The following EPHA5 variants were observed in gnomAD, a reference collection of about 807,000 sequenced individuals.
EPHA5 encodes the protein EPH receptor A5, also known as ephrin type-A receptor 5.
A neutral mutation model predicts 105.0 loss-of-function variants in EPHA5; 60 were observed. The ratio of observed to expected loss-of-function variants is 0.57; its 90% CI spans 0.46 to 0.71. EPHA5 has a LOEUF of 0.71. Ranked by LOEUF, EPHA5 falls within the 30% of genes least tolerant of loss-of-function variation. The probability of loss-of-function intolerance (pLI) is 0.00; values close to 1 mark genes in which losing one functional copy is unlikely to be tolerated. For missense variants in EPHA5, 1,218 were observed against 1,274.7 expected, an observed-to-expected ratio of 0.96 and a Z score of 0.68; for synonymous variants, 513 against 449.1, an observed-to-expected ratio of 1.14 and a Z score of -1.80.
chr4:65,575,485 T>A (rs1339811218), intron 3 of EPHA5, among the ~76,000 whole-genome samples: 1 of 152,214 alleles, frequency 6.6e-6, no homozygotes, highest in Admixed American at 6.5e-5. Context: ...CTGCTAACAC[T>A]CTGCAAAGAG....
At chr4:65,402,496 T>G (rs1303786850) in intron 8 of EPHA5, among the ~76,000 whole-genome samples, 1 of 152,166 alleles carries the variant, frequency 6.6e-6, no homozygotes, top group African/African-American at 2.4e-5. Flanking sequence ...CTGTGCTAAG[T>G]CTACACCAAC....
chr4:65,506,546 C>A (rs1244633458), intron 3 of EPHA5, among the ~76,000 whole-genome samples: 1 of 145,362 alleles, frequency 6.9e-6, no homozygotes, highest in East Asian at 2.1e-4. Context: ...GCCATTCTAA[C>A]TGATGTGAGA....
intron 3 of EPHA5, chr4:65,573,760 A>T: frequency 1.2e-6 from 2 of 1,611,560 alleles, no homozygotes; most frequent in Non-Finnish European, 1.7e-6. Flanking sequence ...GGTGACAAGA[A>T]CGGCGGTACC....
intron 11 of EPHA5, among the ~76,000 whole-genome samples, chr4:65,356,123 T>C (rs1310742961): frequency 6.6e-6 from 1 of 151,554 alleles, no homozygotes; most frequent in East Asian, 1.9e-4. Flanking sequence ...GCTCCACTAA[T>C]CTATGTTATC....
intron 3 of EPHA5, among the ~76,000 whole-genome samples, chr4:65,510,020 GATAC>G (rs571863450): frequency 1.4e-4 from 21 of 145,936 alleles, no homozygotes; most frequent in African/African-American, 4.8e-4. Flanking sequence ...AATTTCAGAT[GATAC>G]ATACTTCTTT....
chr4:65,442,566 T>C (rs1726124037), intron 5 of EPHA5, among the ~76,000 whole-genome samples: 1 of 152,206 alleles, frequency 6.6e-6, no homozygotes, highest in African/African-American at 2.4e-5. Flanking sequence ...ATCAGTGCCA[T>C]TCTGTGTACT....
At chr4:65,419,190 T>C (rs1723699097) in intron 6 of EPHA5, among the ~76,000 whole-genome samples, 1 of 151,986 alleles carries the variant, frequency 6.6e-6, no homozygotes, top group Non-Finnish European at 1.5e-5. Flanking sequence ...GGCCCTAAAC[T>C]CTTTTATCTA....
intron 1 of EPHA5, among the ~76,000 whole-genome samples, chr4:65,655,408 C>T (rs1748969185): frequency 6.6e-6 from 1 of 152,020 alleles, no homozygotes; most frequent in Non-Finnish European, 1.5e-5. Flanking sequence ...GCACAACTAC[C>T]AACCCAAGTA....
intron 11 of EPHA5, among the ~76,000 whole-genome samples, chr4:65,357,001 A>G (rs1215920647): frequency 2.0e-5 from 3 of 151,666 alleles, no homozygotes; most frequent in African/African-American, 4.8e-5. Context: ...TAACTCATAA[A>G]GCATGTCAAA....
chr4:65,624,217 T>G (rs1745942950), intron 2 of EPHA5, among the ~76,000 whole-genome samples: 3 of 152,288 alleles, frequency 2.0e-5, no homozygotes, highest in East Asian at 3.9e-4. Context: ...ATTATTATGC[T>G]TCAGAGAATG....
intron 11 of EPHA5, among the ~76,000 whole-genome samples, chr4:65,354,466 CAT>C (rs1284427611): frequency 2.6e-5 from 4 of 151,556 alleles, no homozygotes; most frequent in African/African-American, 7.3e-5. Flanking sequence ...TTAATAGAAA[CAT>C]ATGACATAAA....
In EPHA5 at chr4:65,321,451, A is replaced by G; in HGVS notation, c.*2663T>C. 4.3e-6 allele frequency: 1 copy of G among 230,068 alleles called. No individual in the cohort carries two copies. The highest frequency in any genetic ancestry group is 6.1e-5 in the East Asian group (1 of 16,272). 14.3% of individuals were successfully genotyped at this position (230,068 alleles called of 1,614,324 possible). The stretch of plus-strand genomic sequence containing the variant: ...CATTTTCCAATTGGTGACATATACA[A>G]TAGGAAACAAATATTTTAGGAAGGC... On this transcript the variant is annotated 3_prime_UTR_variant, in exon 17 of 17. Transcript: ENST00000613740.
rs749952186 is a variant in EPHA5 at position 65,336,104 on chromosome 4, C to T, written c.2617G>A (p.Gly873Ser). Residue 873 changes from glycine to serine, a missense_variant, in exon 15 of 17, where the codon GGC becomes AGC. Physicochemically the swap from Gly to Ser is moderately conservative, Grantham distance 56. Around this residue, in one of 3 missense-constraint regions of EPHA5, gnomAD observed 971 missense variants for 1,013.5 expected, o/e 0.96. Transcript: ENST00000613740. ...TCCATGGGGCTTGGCAGACGATAGC[C>T]TTCCTCTACCGCTTTAATCACCTGT... is the stretch of plus-strand genomic sequence containing the variant. The part of the protein sequence containing the change: ...NQDVIKAVEE[G>S]YRLPSPMDCP... 3 of 1,611,174 alleles carry T rather than the reference C, an allele frequency of 1.9e-6. No individual in the cohort carries two copies. The highest frequency in any genetic ancestry group is 2.2e-5 in the East Asian group (1 of 44,724).
intron 7 of EPHA5, among the ~76,000 whole-genome samples, chr4:65,406,860 A>T (rs1311284613): frequency 6.6e-6 from 1 of 152,076 alleles, no homozygotes; most frequent in Non-Finnish European, 1.5e-5. Flanking sequence ...ACGTATCATT[A>T]ATCAAACAAA....
intron 6 of EPHA5, among the ~76,000 whole-genome samples, chr4:65,420,134 G>C (rs1005321018): frequency 6.6e-6 from 1 of 152,122 alleles, no homozygotes; most frequent in Non-Finnish European, 1.5e-5. Flanking sequence ...ACTACTGAAA[G>C]TCTATAGCTT....
chr4:65,406,118 A>C (rs1451169), intron 7 of EPHA5, among the ~76,000 whole-genome samples: 121,651 of 152,038 alleles, frequency 0.8, 49,088 homozygotes, highest in South Asian at 0.92. Flanking sequence ...AAACTTTCAA[A>C]GATCTCCCTC....
intron 2 of EPHA5, among the ~76,000 whole-genome samples, chr4:65,633,516 T>C (rs1421721812): frequency 6.6e-6 from 1 of 151,914 alleles, no homozygotes. Context: ...CAAAAATAAT[T>C]ATACTCACAT....
At chr4:65,643,259 G>C (rs1747823479) in intron 2 of EPHA5, 104 bp downstream of exon 2, 2 of 924,912 alleles carry the variant, frequency 2.2e-6, no homozygotes, top group East Asian at 5.0e-5. Flanking sequence ...AGCACCTCCT[G>C]TCTTAACAAC....
intron 5 of EPHA5, among the ~76,000 whole-genome samples, chr4:65,431,749 C>T (rs1315260233): frequency 6.6e-6 from 1 of 152,072 alleles, no homozygotes; most frequent in Non-Finnish European, 1.5e-5. Flanking sequence ...TATTAGATAT[C>T]ACAGATAGAG....
Sources: gnomAD v4.1 joint callset for allele counts (sites outside exome capture counted in the v4.1 genomes callset) on GRCh38, gnomAD v4.1.1 for gene constraint, gnomAD v4.1.1 regional missense constraint, MANE v1.5 for transcripts, NCBI Gene and HGNC (gene_info 2026-07-23, HGNC 2026-07-21) for gene names.